Variants in NAA25 observed in about 807,000 individuals in gnomAD.
The protein encoded by NAA25 is N-terminal acetyltransferase B complex subunit NAA25.
Under a neutral mutation model 132.5 loss-of-function variants are expected in NAA25, and 30 were observed. The observed-to-expected ratio is 0.23, with a 90% confidence interval of 0.17 to 0.31. The LOEUF is 0.31. Ranked by LOEUF, NAA25 falls within the 10% of genes least tolerant of loss-of-function variation. NAA25 has a pLI of 1.00. For missense variants in NAA25, 771 were observed against 1,150.4 expected (o/e 0.67, Z 4.77); for synonymous variants, 359 against 401.9 (o/e 0.89, Z 1.28).
At chr12:112,084,887 A>G (rs576620088) in intron 4 of NAA25, among the ~76,000 whole-genome samples, 66 of 152,150 alleles carry the variant, frequency 4.3e-4, no homozygotes, top group African/African-American at 1.5e-3. Context: ...ACTCGAGGTC[A>G]GGAGTTCGAG....
intron 4 of NAA25, among the ~76,000 whole-genome samples, chr12:112,083,577 C>T (rs1004458890): frequency 1.3e-5 from 2 of 151,682 alleles, no homozygotes; most frequent in Non-Finnish European, 2.9e-5. Flanking sequence ...GATCTAGAGA[C>T]GACAAGGACA....
At chr12:112,087,444 A>C (rs2079072900) in intron 4 of NAA25, among the ~76,000 whole-genome samples, 1 of 152,236 alleles carries the variant, frequency 6.6e-6, no homozygotes, top group Admixed American at 6.5e-5. Flanking sequence ...AAAACCAAAC[A>C]AAACATAACA....
At chr12:112,085,072 A>T (rs957490021) in intron 4 of NAA25, among the ~76,000 whole-genome samples, 3 of 152,332 alleles carry the variant, frequency 2.0e-5, no homozygotes, top group African/African-American at 7.2e-5. Context: ...TCTACTAAAA[A>T]TATAAAAATT....
rs1000860022 is a variant in NAA25, at chr12:112,049,983, C to T, written c.1729-1540G>A. ...AGTATGCTATGATTTAAGGAGGGAA[C>T]CCAGCCTTACCAAGTGTAGAGGCAG... On this transcript the variant is annotated intron_variant, in intron 15 of 23. Coordinates refer to ENST00000261745, the MANE Select transcript of NAA25 (RefSeq NM_024953.4). This position sits in a 1 kb window ranked among gnomAD's most constrained non-coding sequence, Gnocchi z 4.7. Among the ~76,000 whole-genome samples, 2 of 151,170 alleles carry T rather than the reference C, an allele frequency of 1.3e-5. No homozygotes were observed. The highest frequency in any genetic ancestry group is 2.4e-5 in the African/African-American group (1 of 41,030).
intron 23 of NAA25, among the ~76,000 whole-genome samples, chr12:112,031,210 G>A (rs1159943906): frequency 1.3e-5 from 2 of 152,192 alleles, no homozygotes; most frequent in Non-Finnish European, 2.9e-5. Context: ...GGAAGAAAGG[G>A]AATCAGGACT....
At chr12:112,063,486 G>A (rs1368087499) in intron 11 of NAA25, among the ~76,000 whole-genome samples, 1 of 152,188 alleles carries the variant, frequency 6.6e-6, no homozygotes, top group African/African-American at 2.4e-5. Context: ...TGCTTATTCA[G>A]TGATAATTTC....
intron 22 of NAA25, 50 bp downstream of exon 22, chr12:112,039,179 A>C (rs2078267548): frequency 8.8e-7 from 1 of 1,140,228 alleles, no homozygotes; most frequent in Non-Finnish European, 1.3e-6. Context: ...AAGAAAAAGT[A>C]GCATGTGGTC....
intron 5 of NAA25, among the ~76,000 whole-genome samples, chr12:112,079,924 T>A (rs939028076): frequency 1.3e-5 from 2 of 152,066 alleles, no homozygotes; most frequent in Non-Finnish European, 2.9e-5. Flanking sequence ...CAGCAATAGA[T>A]TAGAGATTCA....
At chr12:112,041,290 C>T (rs1263762499) in intron 20 of NAA25, among the ~76,000 whole-genome samples, 1 of 151,880 alleles carries the variant, frequency 6.6e-6, no homozygotes, top group Non-Finnish European at 1.5e-5. Flanking sequence ...CAGGTTCATG[C>T]CATTCTCCTG....
At chr12:112,033,967 C>T (rs1415410734) in intron 22 of NAA25, 1 of 151,970 alleles carries the variant, frequency 6.6e-6, no homozygotes, top group Non-Finnish European at 1.5e-5. Flanking sequence ...AAAACCTAGC[C>T]AATCAATTAA....
At chr12:112,070,856 C>T (rs1038117192) in intron 10 of NAA25, among the ~76,000 whole-genome samples, 5 of 152,192 alleles carry the variant, frequency 3.3e-5, no homozygotes, top group Non-Finnish European at 5.9e-5. Flanking sequence ...AAGCAATTCT[C>T]CTGCCTCAGC....
chr12:112,096,268 A>G (rs1026883609), intron 1 of NAA25, among the ~76,000 whole-genome samples: 8 of 152,226 alleles, frequency 5.3e-5, no homozygotes, highest in Non-Finnish European at 1.0e-4. Context: ...TACAATGATG[A>G]CTGAACACAG....
Position 112,033,278 on chromosome 12 carries a change from T to G in NAA25, c.2751A>C (p.Ala917=), listed in dbSNP as rs757525396. ...HIKGLETHLI[A]LKLEELILED... ...CTAAAATAAGTTCTTCAAGTTTAAG[T>G]GCAATTAGATGTGTTTCAAGCCCTT... Residue 917 remains alanine, a synonymous_variant, in exon 23 of 24, where the codon GCA becomes GCC. Coordinates refer to ENST00000261745, the MANE Select transcript of NAA25 (RefSeq NM_024953.4). 2 of 1,610,996 alleles carry G rather than the reference T, an allele frequency of 1.2e-6. No individual in the cohort carries two copies. The highest frequency in any genetic ancestry group is 1.7e-6 in the Non-Finnish European group (2 of 1,178,946).
chr12:112,079,586 T>G (rs1225701364), intron 5 of NAA25, among the ~76,000 whole-genome samples: 1 of 150,550 alleles, frequency 6.6e-6, no homozygotes, highest in Non-Finnish European at 1.5e-5. Flanking sequence ...AAAAAAAAAC[T>G]AAGGTTAAGA....
intron 1 of NAA25, among the ~76,000 whole-genome samples, chr12:112,106,491 A>G (rs2079363192): frequency 6.6e-6 from 1 of 152,154 alleles, no homozygotes; most frequent in African/African-American, 2.4e-5. Flanking sequence ...CCCACCTTGT[A>G]TATATATCTC....
rs752588175 is a variant in NAA25, at chr12:112,068,940, A to AT, written c.1088_1089insA (p.Cys364LeufsTer7). On this transcript the variant is annotated frameshift_variant, in exon 11 of 24. Coordinates refer to ENST00000261745, the MANE Select transcript of NAA25 (RefSeq NM_024953.4). LOFTEE classifies it high-confidence loss of function. ...ACACCTTAAGGTCTGTAAAACAACA[A>AT]GGTTTATCGCCAAACTTTTTAAAAT... 7 of 1,613,852 alleles carry AT rather than the reference A, an allele frequency of 4.3e-6. No homozygotes were observed. In the Admixed American group the frequency reaches 1.2e-4, roughly 27 times the overall value.
At chr12:112,043,242 T>C (rs1054339890) in intron 18 of NAA25, 31 bp from the exon 19 acceptor site, 2 of 1,558,324 alleles carry the variant, frequency 1.3e-6, no homozygotes, top group Non-Finnish European at 1.7e-6. Flanking sequence ...TAATGCTCTT[T>C]TAAATCCATC....
chr12:112,047,601 C>A (rs1018509757), intron 17 of NAA25, 64 bp downstream of exon 17: 1 of 1,576,218 alleles, frequency 6.3e-7, no homozygotes, highest in African/African-American at 1.4e-5. Flanking sequence ...TGATCTTGGT[C>A]TCTTTAAAAA....
At chr12:112,031,606 A>C (rs1439385932) in intron 23 of NAA25, among the ~76,000 whole-genome samples, 1 of 152,154 alleles carries the variant, frequency 6.6e-6, no homozygotes, top group Admixed American at 6.5e-5. Context: ...AACTCTGAAA[A>C]CAAGAACTCT....
Sources: allele counts gnomAD v4.1 joint callset (sites outside exome capture counted in the v4.1 genomes callset), GRCh38; gene constraint gnomAD v4.1.1; non-coding constraint Gnocchi (gnomAD v3.1); transcripts MANE v1.5; gene names NCBI Gene and HGNC (gene_info 2026-07-23, HGNC 2026-07-21).